The following MTUS2 variants were observed in gnomAD, a reference collection of about 807,000 sequenced individuals.
MTUS2 encodes microtubule associated scaffold protein 2.
In MTUS2, 40 loss-of-function variants were observed where a neutral mutation model predicts 114.1. That is an observed-to-expected ratio of 0.35 (90% CI 0.27 to 0.46). The LOEUF is 0.46. Ranked by LOEUF, MTUS2 falls within the 20% of genes least tolerant of loss-of-function variation. The probability of loss-of-function intolerance (pLI) is 1.00; values close to 1 mark genes in which losing one functional copy is unlikely to be tolerated. For missense variants in MTUS2, 1,679 were observed against 1,705.4 expected (o/e 0.98, Z 0.27); for synonymous variants, 688 against 672.0 (o/e 1.02, Z -0.37).
chr13:29,228,416 G>A (rs1327547442), intron 5 of MTUS2, among the ~76,000 whole-genome samples: 3 of 152,176 alleles, frequency 2.0e-5, no homozygotes, highest in Non-Finnish European at 2.9e-5. Flanking sequence ...AACCTCCTGG[G>A]CTTAAGTGTG....
At chr13:28,998,789 C>T (rs1040969723) in intron 2 of MTUS2, among the ~76,000 whole-genome samples, 6 of 152,230 alleles carry the variant, frequency 3.9e-5, no homozygotes, top group South Asian at 2.1e-4. Flanking sequence ...GTTATCTATT[C>T]GTCTAATTTT....
At chr13:29,211,781 C>T (rs1895451329) in intron 5 of MTUS2, among the ~76,000 whole-genome samples, 2 of 151,908 alleles carry the variant, frequency 1.3e-5, no homozygotes, top group Non-Finnish European at 2.9e-5. Flanking sequence ...ACTTTAGACA[C>T]TCATAGTTTG....
In MTUS2 at chr13:28,959,376, C is replaced by A. The variant is rs552661809; in HGVS notation, c.-242-65081C>A. On this transcript the variant is annotated intron_variant, in intron 2 of 15. Transcript: ENST00000612955. The stretch of plus-strand genomic sequence containing the variant: ...CCAGTGGAGAGGCAGGACTTCATCA[C>A]CCCACTAGCAATGAGGTCGCATACC... 7.9e-5 allele frequency among the ~76,000 whole-genome samples: 12 copies of A among 152,284 alleles called. No individual in the cohort carries two copies. The South Asian group carries it at 2.5e-3, about 32-fold the overall frequency.
chr13:28,910,751 T>G (rs1432754609), intron 2 of MTUS2, among the ~76,000 whole-genome samples: 2 of 152,034 alleles, frequency 1.3e-5, no homozygotes, highest in East Asian at 3.9e-4. Context: ...ATAATGTATA[T>G]GTATCACATT....
Position 28,934,868 on chromosome 13 carries a change from A to G in MTUS2, c.-242-89589A>G, listed in dbSNP as rs1219430350. On this transcript the variant is annotated intron_variant, in intron 2 of 15. Coordinates refer to ENST00000612955, the MANE Select transcript of MTUS2 (RefSeq NM_001033602.4). ...ATACATATCTTACATGTATAACCCA[A>G]TGAAATTGACACACATACAATACTG... is the stretch of plus-strand genomic sequence containing the variant. Among the ~76,000 whole-genome samples the G allele has an allele frequency of 3.3e-5, 5 of 152,216 alleles. No individual in the cohort carries two copies. The East Asian group carries it at 7.7e-4, about 23-fold the overall frequency.
At chr13:29,439,145 A>C (rs1877641801) in intron 8 of MTUS2, among the ~76,000 whole-genome samples, 1 of 152,216 alleles carries the variant, frequency 6.6e-6, no homozygotes, top group Non-Finnish European at 1.5e-5. Flanking sequence ...ACTTTCTTTG[A>C]AGGCCTGTAG....
At chr13:29,027,037 A>G in intron 3 of MTUS2, 134 bp downstream of exon 3, 1 of 987,036 alleles carries the variant, frequency 1.0e-6, no homozygotes, top group Non-Finnish European at 1.4e-6. Flanking sequence ...TTGTGAAGAA[A>G]TGGAGTTTTT....
chr13:28,820,720 C>G (rs968602706), intron 1 of MTUS2, 109 bp downstream of exon 1: 2 of 152,328 alleles, frequency 1.3e-5, no homozygotes, highest in Non-Finnish European at 2.9e-5. Flanking sequence ...CAGCCGGGCT[C>G]GGGGCAGCGC....
chr13:28,857,708 C>A (rs1593250601), intron 2 of MTUS2, among the ~76,000 whole-genome samples: 1 of 152,136 alleles, frequency 6.6e-6, no homozygotes, highest in Non-Finnish European at 1.5e-5. Context: ...TAAGAAAGTA[C>A]TTAGGGAATC....
At chr13:29,172,554 C>T (rs1893606620) in intron 5 of MTUS2, among the ~76,000 whole-genome samples, 1 of 152,152 alleles carries the variant, frequency 6.6e-6, no homozygotes, top group Non-Finnish European at 1.5e-5. Flanking sequence ...ATGTCTTCTT[C>T]AATTTAGGAC....
intron 2 of MTUS2, among the ~76,000 whole-genome samples, chr13:29,010,647 G>A (rs940658540): frequency 6.6e-6 from 1 of 151,900 alleles, no homozygotes; most frequent in Non-Finnish European, 1.5e-5. Flanking sequence ...GCTGTGGGGA[G>A]GTTTTCTTCC....
chr13:29,501,991 C>T (rs1882946595), intron 15 of MTUS2, among the ~76,000 whole-genome samples: 2 of 152,242 alleles, frequency 1.3e-5, no homozygotes, highest in Admixed American at 6.5e-5. Context: ...TTCACATGTA[C>T]ATGCTTATTC....
At position 29,025,721 on chromosome 13, in the gene MTUS2, A is replaced by C. The variant is rs1886504174; in HGVS notation, c.1023A>C (p.Ser341=). The C allele has an allele frequency of 6.2e-7, 1 of 1,614,018 alleles. No individual in the cohort carries two copies. The highest frequency in any genetic ancestry group is 1.3e-5 in the African/African-American group (1 of 75,058). ...YLGCHKEENL[S]ALEGRDPCGE... is the part of the protein sequence containing the mutation. ...GATGCCACAAGGAAGAGAATCTGTC[A>C]GCCTTGGAGGGAAGGGATCCATGTG... is the stretch of plus-strand genomic sequence containing the variant. The change falls in exon 3 of 16, where the codon TCA becomes TCC. Residue 341 remains serine (S), a synonymous_variant. Transcript: ENST00000612955.
chr13:29,291,840 C>G (rs1898729834), intron 6 of MTUS2, among the ~76,000 whole-genome samples: 1 of 152,104 alleles, frequency 6.6e-6, no homozygotes, highest in Admixed American at 6.5e-5. Flanking sequence ...GAAAACAAAG[C>G]AGAAACTCAT....
chr13:28,858,423 T>G (rs1442601954), intron 2 of MTUS2, among the ~76,000 whole-genome samples: 1 of 152,146 alleles, frequency 6.6e-6, no homozygotes, highest in Non-Finnish European at 1.5e-5. Context: ...TTATTTAAAC[T>G]TGTATCTCTA....
chr13:29,441,964 G>T (rs918227552), intron 9 of MTUS2, among the ~76,000 whole-genome samples: 1 of 152,174 alleles, frequency 6.6e-6, no homozygotes, highest in Non-Finnish European at 1.5e-5. Context: ...CGGCTTTAGG[G>T]CCTGTCCTCA....
At chr13:28,924,851 G>A (rs1480925147) in intron 2 of MTUS2, among the ~76,000 whole-genome samples, 1 of 152,082 alleles carries the variant, frequency 6.6e-6, no homozygotes, top group African/African-American at 2.4e-5. Flanking sequence ...AGATTAGTGA[G>A]TATTAGTAGA....
chr13:29,009,545 T>C (rs1199616633), intron 2 of MTUS2, among the ~76,000 whole-genome samples: 2 of 152,260 alleles, frequency 1.3e-5, no homozygotes, highest in African/African-American at 4.8e-5. Context: ...GGAGAATAGG[T>C]CATATTTGCT....
At position 28,905,509 on chromosome 13, in the gene MTUS2, A is replaced by C. The variant is rs553478198; in HGVS notation, c.-243+65659A>C. ...AGGCCTTTTCTGCATCTATTGAGAT[A>C]ATCATGTGGTTTTTGTCTTTGGTTC... On this transcript the variant is annotated intron_variant, in intron 2 of 15. Coordinates refer to ENST00000612955, the MANE Select transcript of MTUS2 (RefSeq NM_001033602.4). Among the ~76,000 whole-genome samples, 104 of 151,812 alleles carry C rather than the reference A, an allele frequency of 6.9e-4. 1 individual carries two copies. Among genetic ancestry groups the C allele is most frequent in the African/African-American group, 2.5e-3 (103 of 41,238 alleles).
Sources: gnomAD v4.1 joint callset for allele counts (sites outside exome capture counted in the v4.1 genomes callset) on GRCh38, gnomAD v4.1.1 for gene constraint, MANE v1.5 for transcripts, NCBI Gene and HGNC (gene_info 2026-07-23, HGNC 2026-07-21) for gene names.